FER: variants seen among roughly 807,000 people sequenced by gnomAD.
FER encodes the protein FER tyrosine kinase.
Under a neutral mutation model 111.0 loss-of-function variants are expected in FER, and 63 were observed. The observed-to-expected ratio is 0.57, with a 90% CI of 0.46 to 0.70. The LOEUF (loss-of-function observed/expected upper bound fraction) is 0.70, where lower values mean the gene tolerates loss of function less well. Among genes scored for constraint, FER ranks in the 30% least tolerant of loss-of-function variants. The pLI is 0.00. For missense variants in FER, 914 were observed against 954.0 expected (o/e 0.96, Z 0.55); for synonymous variants, 327 against 313.9 (o/e 1.04, Z -0.44).
At chr5:108,820,665 C>A in intron 3 of FER, 1 of 374,286 alleles carries the variant, frequency 2.7e-6, no homozygotes, top group Non-Finnish European at 3.7e-6. Context: ...GCTAATGCAG[C>A]TCAGCATCTT....
chr5:108,881,601 A>G (rs1413739719), intron 8 of FER, among the ~76,000 whole-genome samples: 1 of 152,186 alleles, frequency 6.6e-6, no homozygotes, highest in Non-Finnish European at 1.5e-5. Context: ...ATGATTTCTC[A>G]TAGATATGGA....
intron 9 of FER, among the ~76,000 whole-genome samples, chr5:108,888,943 G>A (rs919446525): frequency 4.0e-5 from 6 of 151,786 alleles, no homozygotes; most frequent in Non-Finnish European, 5.9e-5. Flanking sequence ...GGAAATTTAC[G>A]TTTTAATCTT....
chr5:108,784,311 C>T (rs1372320599), intron 2 of FER: 2 of 153,112 alleles, frequency 1.3e-5, no homozygotes, highest in Non-Finnish European at 2.9e-5. Flanking sequence ...TTGGTCACCT[C>T]CTCAGATGGT....
At chr5:108,819,811 T>C in intron 3 of FER, 1 of 985,296 alleles carries the variant, frequency 1.0e-6, no homozygotes, top group African/African-American at 1.7e-5. Flanking sequence ...GATTAGTTTA[T>C]ACCTTCTGGG....
intron 12 of FER, among the ~76,000 whole-genome samples, chr5:108,956,277 T>C (rs1758418183): frequency 6.6e-6 from 1 of 151,616 alleles, no homozygotes; most frequent in Non-Finnish European, 1.5e-5. Flanking sequence ...ATTTATTACG[T>C]GGTATGAGAA....
At chr5:108,888,287 A>G (rs925399415) in intron 9 of FER, among the ~76,000 whole-genome samples, 1 of 151,958 alleles carries the variant, frequency 6.6e-6, no homozygotes, top group Non-Finnish European at 1.5e-5. Flanking sequence ...TTGTGCATCT[A>G]CCAGATGCTG....
intron 16 of FER, among the ~76,000 whole-genome samples, chr5:109,066,791 G>T (rs1314937957): frequency 2.6e-5 from 4 of 152,116 alleles, no homozygotes; most frequent in Non-Finnish European, 5.9e-5. Flanking sequence ...AAATACGCTG[G>T]TGAAAAATAC....
chr5:108,974,212 C>T (rs1411283990), intron 13 of FER, among the ~76,000 whole-genome samples: 1 of 152,054 alleles, frequency 6.6e-6, no homozygotes, highest in Non-Finnish European at 1.5e-5. Flanking sequence ...GTCTGGTTGG[C>T]AAGATAGATT....
chr5:108,875,795 T>G (rs981556562), intron 8 of FER, among the ~76,000 whole-genome samples: 3 of 152,150 alleles, frequency 2.0e-5, no homozygotes, highest in African/African-American at 7.2e-5. Context: ...AAATTTTGAT[T>G]AATTTTAATA....
intron 13 of FER, among the ~76,000 whole-genome samples, chr5:108,994,030 G>C (rs1275463440): frequency 1.3e-5 from 2 of 151,978 alleles, no homozygotes; most frequent in Non-Finnish European, 2.9e-5. Flanking sequence ...TTAATACTTT[G>C]TCAGATGGAT....
chr5:108,998,183 GAAAAAA>G (rs915109794), intron 13 of FER, among the ~76,000 whole-genome samples: 2 of 71,420 alleles, frequency 2.8e-5, no homozygotes, highest in East Asian at 8.5e-4. Flanking sequence ...ACCGGGGTAT[GAAAAAA>G]AAAAAAAAAA....
At chr5:109,038,322 A>G (rs1561810200) in intron 14 of FER, among the ~76,000 whole-genome samples, 2 of 151,924 alleles carry the variant, frequency 1.3e-5, no homozygotes, top group Non-Finnish European at 2.9e-5. Flanking sequence ...TATATTTAGG[A>G]AAAGCTAACA....
At chr5:108,936,429 C>T (rs542793247) in intron 10 of FER, among the ~76,000 whole-genome samples, 23 of 152,100 alleles carry the variant, frequency 1.5e-4, no homozygotes, top group African/African-American at 5.1e-4. Context: ...TGGAGTTACA[C>T]AATGGCTGCT....
intron 17 of FER, among the ~76,000 whole-genome samples, chr5:109,113,471 A>T (rs1403347895): frequency 2.6e-5 from 4 of 152,176 alleles, no homozygotes; most frequent in Non-Finnish European, 4.4e-5. Context: ...CACTACTTTT[A>T]AGCAGTATCT....
At chr5:108,888,494 T>C (rs1325332295) in intron 9 of FER, among the ~76,000 whole-genome samples, 1 of 151,898 alleles carries the variant, frequency 6.6e-6, no homozygotes, top group East Asian at 1.9e-4. Flanking sequence ...AGGCAGAAGA[T>C]AACCTGCATG....
intron 8 of FER, among the ~76,000 whole-genome samples, chr5:108,874,767 A>G (rs1764922763): frequency 6.6e-6 from 1 of 152,112 alleles, no homozygotes; most frequent in Non-Finnish European, 1.5e-5. Flanking sequence ...CTGGAAAAAG[A>G]AATACAAATT....
At chr5:109,090,606 G>T (rs1778062533) in intron 16 of FER, among the ~76,000 whole-genome samples, 1 of 152,038 alleles carries the variant, frequency 6.6e-6, no homozygotes, top group East Asian at 1.9e-4. Context: ...GGAAAACAAT[G>T]AATGAACAAA....
At chr5:109,038,598 C>A (rs770375957) in intron 14 of FER, among the ~76,000 whole-genome samples, 1 of 151,850 alleles carries the variant, frequency 6.6e-6, no homozygotes, top group Non-Finnish European at 1.5e-5. Flanking sequence ...TAAGTGAATT[C>A]TAAAGAACCT....
chr5:108,755,788 A>G (rs546169539), intron 1 of FER, among the ~76,000 whole-genome samples: 3 of 150,468 alleles, frequency 2.0e-5, no homozygotes, highest in African/African-American at 7.3e-5. Context: ...GGCTGGCTGC[A>G]GTGTTCAGTT....
Sources: gnomAD v4.1 joint callset for allele counts (sites outside exome capture counted in the v4.1 genomes callset) on GRCh38, gnomAD v4.1.1 for gene constraint, MANE v1.5 for transcripts, NCBI Gene and HGNC (gene_info 2026-07-23, HGNC 2026-07-21) for gene names.